CELF4: variants seen among roughly 807,000 people sequenced by gnomAD.
CELF4 encodes CUGBP Elav-like family member 4, also known as CUG-BP- and ETR-3-like factor 4.
CELF4 carries 18 observed loss-of-function variants against 59.9 expected under a neutral mutation model. The observed-to-expected ratio is 0.30, with a 90% CI of 0.21 to 0.45. The LOEUF (loss-of-function observed/expected upper bound fraction) is 0.45. CELF4 is among the 20% of genes least tolerant of loss of function. CELF4 has a pLI of 1.00. For missense variants in CELF4, 456 were observed against 689.0 expected (o/e 0.66, Z 3.79); for synonymous variants, 261 against 267.1 (o/e 0.98, Z 0.22).
chr18:37,440,566 G>A (rs538132130), intron 2 of CELF4, among the ~76,000 whole-genome samples: 18 of 152,308 alleles, frequency 1.2e-4, no homozygotes, highest in Middle Eastern at 6.8e-3. Flanking sequence ...GAGGCACAGA[G>A]GAGAAGTGGT....
rs117405860 is a variant in CELF4 at position 37,337,456 on chromosome 18, C to T, written c.370-15575G>A. Among the ~76,000 whole-genome samples the T allele has an allele frequency of 5.3e-5, 8 of 152,300 alleles. No homozygotes were observed. The East Asian group carries it at 9.7e-4, about 18-fold the overall frequency. On this transcript the variant is annotated intron_variant, in intron 2 of 12. Coordinates refer to ENST00000420428, the MANE Select transcript of CELF4 (RefSeq NM_020180.4). ...CCTTCCCAGGGTCTAATTTCTTTCC[C>T]GGCTGCTGAGTTCAGCAGGTGCCAC...
chr18:37,349,733 T>C (rs2098399117), intron 2 of CELF4, among the ~76,000 whole-genome samples: 1 of 152,090 alleles, frequency 6.6e-6, no homozygotes, highest in African/African-American at 2.4e-5. Flanking sequence ...AAGGATGTGC[T>C]CTAGGGTGGC....
At chr18:37,273,343 T>C in intron 6 of CELF4, 180 bp from the exon 7 acceptor site, 1 of 1,391,866 alleles carries the variant, frequency 7.2e-7, no homozygotes, top group Non-Finnish European at 9.3e-7. Context: ...GCTATTAGAG[T>C]CCACCACCCT....
At chr18:37,284,047 A>C (rs1309699534) in intron 3 of CELF4, among the ~76,000 whole-genome samples, 2 of 87,284 alleles carry the variant, frequency 2.3e-5, no homozygotes, top group Non-Finnish European at 5.4e-5. Flanking sequence ...ACACCAACAC[A>C]CAAAGACACA....
rs181528692 is a variant in CELF4 at position 37,517,932 on chromosome 18, C to T, written c.287-32325G>A. Reference sequence around the variant, plus strand: ...GTTCAGGGTGTGTGTGAGGCAGTTGCATGGTAGGGGGGCACCTATAACTGG... The same window carrying T: ...GTTCAGGGTGTGTGTGAGGCAGTTGTATGGTAGGGGGGCACCTATAACTGG... On this transcript the variant is annotated intron_variant, in intron 1 of 12. Transcript: ENST00000420428. Among the ~76,000 whole-genome samples the T allele has an allele frequency of 1.2e-4, 19 of 152,224 alleles. 1 individual carries two copies. The highest frequency in any genetic ancestry group is 4.6e-4 in the African/African-American group (19 of 41,538).
At chr18:37,389,216 A>G (rs1244674712) in intron 2 of CELF4, among the ~76,000 whole-genome samples, 1 of 152,150 alleles carries the variant, frequency 6.6e-6, no homozygotes, top group Non-Finnish European at 1.5e-5. Context: ...GATGGGGACC[A>G]GGTGGGGCAC....
chr18:37,494,797 A>G (rs532904154), intron 1 of CELF4, among the ~76,000 whole-genome samples: 48 of 152,170 alleles, frequency 3.2e-4, no homozygotes, highest in South Asian at 2.1e-3. Context: ...CAGTGTGAGG[A>G]CGGGCCATGC....
chr18:37,436,013 T>A (rs2099690733), intron 2 of CELF4, among the ~76,000 whole-genome samples: 1 of 152,084 alleles, frequency 6.6e-6, no homozygotes, highest in Admixed American at 6.5e-5. Flanking sequence ...TCTGCTCACC[T>A]CTCTAGGGAG....
At position 37,565,455 on chromosome 18, in the gene CELF4, G is replaced by A; in HGVS notation, c.187C>T (p.Arg63Cys). 6.2e-7 allele frequency: 1 copy of A among 1,614,032 alleles called. No homozygotes were observed. The highest frequency in any genetic ancestry group is 2.2e-5 in the East Asian group (1 of 44,836). ...TTGAGGTCCTTCTCATCCAGGTTGC[G>A]GGGGATCTGCCCAATGAACAGCTTG... ...AIKLFIGQIP[R>C]NLDEKDLKPL... Residue 63 changes from arginine (R) to cysteine (C), a missense_variant, in exon 1 of 13, where the codon CGC (arginine) becomes TGC (cysteine). Transcript: ENST00000420428.
intron 2 of CELF4, among the ~76,000 whole-genome samples, chr18:37,446,046 C>T (rs920924451): frequency 6.6e-6 from 1 of 152,132 alleles, no homozygotes; most frequent in Admixed American, 6.5e-5. Context: ...CGGACTTTGA[C>T]CCAGGCTTTG....
At chr18:37,536,279 C>T (rs1327130523) in intron 1 of CELF4, among the ~76,000 whole-genome samples, 5 of 152,004 alleles carry the variant, frequency 3.3e-5, no homozygotes, top group African/African-American at 1.2e-4. Context: ...ACTGCACAGG[C>T]CAGAATGGTT....
chr18:37,550,728 C>T (rs1303952291), intron 1 of CELF4, among the ~76,000 whole-genome samples: 4 of 152,186 alleles, frequency 2.6e-5, no homozygotes, highest in Admixed American at 6.5e-5. Flanking sequence ...AGCTGGAGGC[C>T]GGGCAGACCT....
intron 1 of CELF4, among the ~76,000 whole-genome samples, chr18:37,514,735 T>C (rs1483593266): frequency 6.6e-6 from 1 of 152,178 alleles, no homozygotes; most frequent in Non-Finnish European, 1.5e-5. Flanking sequence ...TTTTTCAATA[T>C]ATGATTTTTC....
At chr18:37,446,532 C>T (rs886472288) in intron 2 of CELF4, among the ~76,000 whole-genome samples, 1 of 152,182 alleles carries the variant, frequency 6.6e-6, no homozygotes, top group Non-Finnish European at 1.5e-5. Context: ...GTGACAGCTT[C>T]ACCACCTGGA....
chr18:37,486,322 G>T (rs1454580230), intron 1 of CELF4, among the ~76,000 whole-genome samples: 1 of 151,898 alleles, frequency 6.6e-6, no homozygotes, highest in Non-Finnish European at 1.5e-5. Flanking sequence ...CCTCTTTCTG[G>T]CCTCAGTCTC....
intron 1 of CELF4, among the ~76,000 whole-genome samples, chr18:37,528,285 T>C (rs1786685230): frequency 6.6e-6 from 1 of 152,236 alleles, no homozygotes; most frequent in African/African-American, 2.4e-5. Flanking sequence ...AAATGTAGAA[T>C]GCTTACATCT....
chr18:37,329,976 A>T (rs909941377), intron 2 of CELF4, among the ~76,000 whole-genome samples: 1 of 152,178 alleles, frequency 6.6e-6, no homozygotes, highest in Non-Finnish European at 1.5e-5. Flanking sequence ...AGGTCTGTGC[A>T]TTAGTGCTAT....
At chr18:37,368,646 G>A (rs2098819084) in intron 2 of CELF4, among the ~76,000 whole-genome samples, 1 of 152,232 alleles carries the variant, frequency 6.6e-6, no homozygotes, top group African/African-American at 2.4e-5. Context: ...CTTTCAGCCA[G>A]CAAAGTCATT....
chr18:37,453,080 A>G (rs902094514), intron 2 of CELF4, among the ~76,000 whole-genome samples: 2 of 152,304 alleles, frequency 1.3e-5, no homozygotes, highest in East Asian at 1.9e-4. Context: ...ATGCTTCTAC[A>G]TCTGGCCTCT....
Sources: allele counts gnomAD v4.1 joint callset (sites outside exome capture counted in the v4.1 genomes callset), GRCh38; gene constraint gnomAD v4.1.1; transcripts MANE v1.5; gene names NCBI Gene and HGNC (gene_info 2026-07-23, HGNC 2026-07-21).